PCDHA9: variants seen among roughly 807,000 people sequenced by gnomAD.
PCDHA9 encodes protocadherin alpha 9, also known as protocadherin alpha-9.
A neutral mutation model predicts 62.0 loss-of-function variants in PCDHA9; 62 were observed. The observed-to-expected ratio is 1.00, with a 90% CI of 0.81 to 1.23. PCDHA9 has a LOEUF of 1.23. PCDHA9 is among the 50% of genes most tolerant of loss of function. The pLI, the probability that PCDHA9 is intolerant of heterozygous loss-of-function variation, is 0.00. For missense variants in PCDHA9, 1,205 were observed against 1,249.8 expected, an observed-to-expected ratio of 0.96 and a Z score of 0.54; for synonymous variants, 557 against 567.6, an observed-to-expected ratio of 0.98 and a Z score of 0.27.
intron 1 of PCDHA9, among the ~76,000 whole-genome samples, chr5:140,904,645 T>A (rs1554191647): frequency 6.6e-6 from 1 of 152,128 alleles, no homozygotes; most frequent in Non-Finnish European, 1.5e-5. Context: ...CTCCACACTG[T>A]TTTCCATAGT....
intron 1 of PCDHA9, among the ~76,000 whole-genome samples, chr5:140,903,580 G>T (rs2070406453): frequency 6.6e-6 from 1 of 152,154 alleles, no homozygotes; most frequent in South Asian, 2.1e-4. Context: ...CTGTCTAGCT[G>T]GTGTTGGCCT....
chr5:141,009,003 A>G (rs782499793), intron 3 of PCDHA9, among the ~76,000 whole-genome samples: 16 of 152,220 alleles, frequency 1.1e-4, no homozygotes, highest in Non-Finnish European at 1.5e-4. Flanking sequence ...AAAGGAGCAT[A>G]TTTTGCCTTT....
chr5:140,857,861 T>A lies in PCDHA9; in HGVS notation c.2394+6972T>A, dbSNP rs890760526. 6.3e-7 allele frequency: 1 copy of A among 1,597,494 alleles called. No homozygotes were observed. The highest frequency in any genetic ancestry group is 2.2e-5 in the East Asian group (1 of 44,806). ...GGACGCTGACTCTGGATACAACGCGTGGCTGTCGTATGAATTGCAGTCGGC... is the reference window on the plus strand; with the variant it reads ...GGACGCTGACTCTGGATACAACGCGAGGCTGTCGTATGAATTGCAGTCGGC... On this transcript the variant is annotated intron_variant, in intron 1 of 3. Transcript: ENST00000532602.
chr5:140,894,956 A>T (rs2064745767), intron 1 of PCDHA9, among the ~76,000 whole-genome samples: 1 of 152,208 alleles, frequency 6.6e-6, no homozygotes, highest in South Asian at 2.1e-4. Context: ...AATGATAAAA[A>T]TATAATTTTT....
At chr5:140,907,430 T>G (rs1554192988) in intron 1 of PCDHA9, among the ~76,000 whole-genome samples, 1 of 152,244 alleles carries the variant, frequency 6.6e-6, no homozygotes, top group Non-Finnish European at 1.5e-5. Context: ...TAAGGCATTC[T>G]GTGAGTCCAC....
intron 2 of PCDHA9, among the ~76,000 whole-genome samples, chr5:140,980,855 C>T (rs1313101029): frequency 2.6e-5 from 4 of 151,960 alleles, no homozygotes; most frequent in South Asian, 2.1e-4. Flanking sequence ...TAATCTTTTT[C>T]GTATGTGTGC....
intron 1 of PCDHA9, among the ~76,000 whole-genome samples, chr5:140,903,450 T>A (rs2070311741): frequency 2.6e-5 from 4 of 152,202 alleles, no homozygotes; most frequent in Admixed American, 1.3e-4. Flanking sequence ...ATTCATCTGA[T>A]CAAACTTAAA....
At chr5:140,858,604 AT>A (rs2045515312) in intron 1 of PCDHA9, 6 of 1,276,538 alleles carry the variant, frequency 4.7e-6, no homozygotes, top group Non-Finnish European at 6.4e-6. Flanking sequence ...GAGTTTTAAA[AT>A]TTTTTTATCC....
At position 140,982,438 on chromosome 5, in the gene PCDHA9, T is replaced by C. The variant is rs782761318; in HGVS notation, c.2454-37T>C. On this transcript the variant is annotated intron_variant, in intron 2 of 3. Coordinates refer to ENST00000532602, the MANE Select transcript of PCDHA9 (RefSeq NM_031857.2). ...GGAAGAAGAGATGGGAAAGAATTTA[T>C]GATCTAACCGTTATCTGGGTCTGTG... is the stretch of plus-strand genomic sequence containing the variant. The C allele has an allele frequency of 3.1e-6, 5 of 1,611,448 alleles. No individual in the cohort carries two copies. The South Asian group carries it at 5.5e-5, about 18-fold the overall frequency.
In PCDHA9 at chr5:140,856,803, A is replaced by C. The variant is rs782347816; in HGVS notation, c.2394+5914A>C. On this transcript the variant is annotated intron_variant, in intron 1 of 3. Coordinates refer to ENST00000532602, the MANE Select transcript of PCDHA9 (RefSeq NM_031857.2). ...CCGGTTTATGAAGTTAAGATGTATGAAAATCAAGTGAACCAAACATTAGTA... is the reference window on the plus strand; with the variant it reads ...CCGGTTTATGAAGTTAAGATGTATGCAAATCAAGTGAACCAAACATTAGTA... 9.4e-6 allele frequency: 15 copies of C among 1,595,568 alleles called. 2 individuals are homozygous for C. In the Admixed American group the frequency reaches 1.2e-4, roughly 13 times the overall value.
chr5:140,884,260 G>A (rs781862611), intron 1 of PCDHA9: 19 of 1,613,410 alleles, frequency 1.2e-5, no homozygotes, highest in Non-Finnish European at 1.5e-5. Flanking sequence ...CCACGGCAAC[G>A]GTGCTGTTGT....
intron 1 of PCDHA9, chr5:140,857,918 G>A: frequency 3.1e-6 from 5 of 1,597,824 alleles, no homozygotes; most frequent in Non-Finnish European, 4.3e-6. Context: ...GTTTCGCGTG[G>A]GGCTGTACAC....
At chr5:140,878,103 G>GA (rs748975221) in intron 1 of PCDHA9, 34 of 261,730 alleles carry the variant, frequency 1.3e-4, no homozygotes, top group Non-Finnish European at 2.0e-4. Context: ...GATGAACCTT[G>GA]AAAAAAACAG....
intron 1 of PCDHA9, among the ~76,000 whole-genome samples, chr5:140,874,104 A>G (rs251376): frequency 0.45 from 68,940 of 152,128 alleles, 15,928 homozygotes; most frequent in South Asian, 0.58. Context: ...GTTTTTAATT[A>G]CTTAACGTTT....
chr5:140,872,662 A>G (rs1554166315), intron 1 of PCDHA9, among the ~76,000 whole-genome samples: 2 of 152,132 alleles, frequency 1.3e-5, no homozygotes, highest in Admixed American at 1.3e-4. Context: ...TTTGTCAACT[A>G]TTGGATACTC....
At chr5:140,887,612 G>A (rs2061514716) in intron 1 of PCDHA9, among the ~76,000 whole-genome samples, 1 of 151,760 alleles carries the variant, frequency 6.6e-6, no homozygotes, top group East Asian at 1.9e-4. Flanking sequence ...GCTTTAGTAT[G>A]GTTTTCTTTA....
Position 140,870,112 on chromosome 5 carries a change from G to T in PCDHA9, c.2394+19223G>T, listed in dbSNP as rs781902121. ...AATGGCAGGTCACTGTACAGTCTGG[G>T]TGGAAATCTTGGACACCAACGATAA... On this transcript the variant is annotated intron_variant, in intron 1 of 3. Transcript: ENST00000532602. 2 of 1,613,938 alleles carry T rather than the reference G, an allele frequency of 1.2e-6. No homozygotes were observed. The highest frequency in any genetic ancestry group is 2.2e-5 in the South Asian group (2 of 91,080).
Position 140,876,427 on chromosome 5 carries a change from C to T in PCDHA9, c.2394+25538C>T, listed in dbSNP as rs267600399. 4 of 1,613,798 alleles carry T rather than the reference C, an allele frequency of 2.5e-6. No homozygotes were observed. The African/African-American group carries it at 5.3e-5, about 22-fold the overall frequency. On this transcript the variant is annotated intron_variant, in intron 1 of 3. Coordinates refer to ENST00000532602, the MANE Select transcript of PCDHA9 (RefSeq NM_031857.2). ...TGAAGAGAATAATGCCTATGAAATT[C>T]AGGTTAACGCCATTGATAAAGGGAT...
chr5:140,980,432 C>A (rs1228010505), intron 2 of PCDHA9, among the ~76,000 whole-genome samples: 1 of 152,118 alleles, frequency 6.6e-6, no homozygotes, highest in East Asian at 1.9e-4. Context: ...GAGATCGAGA[C>A]CATCCTGGAC....
Sources: allele counts gnomAD v4.1 joint callset (sites outside exome capture counted in the v4.1 genomes callset), GRCh38; gene constraint gnomAD v4.1.1; transcripts MANE v1.5; gene names NCBI Gene and HGNC (gene_info 2026-07-23, HGNC 2026-07-21).